The following NEK10 variants were observed in gnomAD, a reference collection of about 807,000 sequenced individuals.
NEK10 encodes the protein NIMA related kinase 10.
In NEK10, 122 loss-of-function variants were observed where a neutral mutation model predicts 159.8. That is an observed-to-expected ratio of 0.76 (90% CI 0.66 to 0.89). The LOEUF is 0.89. Ranked by LOEUF, NEK10 falls within the 40% of genes least tolerant of loss-of-function variation. NEK10 has a pLI of 0.00. For missense variants in NEK10, 1,342 were observed against 1,323.1 expected (o/e 1.01, Z -0.22); for synonymous variants, 466 against 457.1 (o/e 1.02, Z -0.25).
intron 22 of NEK10, among the ~76,000 whole-genome samples, chr3:27,257,556 C>T (rs1021069207): frequency 1.3e-5 from 2 of 152,060 alleles, no homozygotes; most frequent in African/African-American, 2.4e-5. Context: ...TAATAATACA[C>T]GTTTACTAAA....
intron 3 of NEK10, among the ~76,000 whole-genome samples, chr3:27,347,301 G>T (rs1405944190): frequency 6.6e-6 from 1 of 151,938 alleles, no homozygotes; most frequent in African/African-American, 2.4e-5. Context: ...GATCACCTGA[G>T]TTCGGGAGCC....
At chr3:27,164,337 C>G (rs1946287820) in intron 29 of NEK10, among the ~76,000 whole-genome samples, 1 of 152,174 alleles carries the variant, frequency 6.6e-6, no homozygotes, top group Admixed American at 6.5e-5. Flanking sequence ...TGCCATACCC[C>G]AGCAAATGCT....
intron 22 of NEK10, among the ~76,000 whole-genome samples, chr3:27,260,149 ATCATG>A (rs199558052): frequency 0.041 from 6,269 of 152,256 alleles, 183 homozygotes; most frequent in African/African-American, 0.075. Flanking sequence ...TAAATATACA[ATCATG>A]TCATCTGCAA....
intron 26 of NEK10, among the ~76,000 whole-genome samples, chr3:27,179,742 A>C (rs1020188244): frequency 1.3e-5 from 2 of 152,234 alleles, no homozygotes; most frequent in Admixed American, 6.5e-5. Flanking sequence ...ATTTAAAAGC[A>C]TTTCAAATGA....
chr3:27,181,991 A>G (rs946113659), intron 26 of NEK10, among the ~76,000 whole-genome samples: 1 of 152,188 alleles, frequency 6.6e-6, no homozygotes, highest in African/African-American at 2.4e-5. Flanking sequence ...CAGACCTAGA[A>G]CACCCAAATC....
rs528344146 is a variant in NEK10 at position 27,207,326 on chromosome 3, A to C, written c.2091-4769T>G. ...GAAATACTAGGGCACAGGTATGAGA[A>C]ATTGAAGAAGAAATTAAAACCTTAA... On this transcript the variant is annotated intron_variant, in intron 23 of 35. Coordinates refer to ENST00000691995, the MANE Select transcript of NEK10 (RefSeq NM_001394966.1). Among the ~76,000 whole-genome samples the C allele has an allele frequency of 3.9e-5, 6 of 152,310 alleles. No homozygotes were observed. The South Asian group carries it at 1.2e-3, about 32-fold the overall frequency.
intron 3 of NEK10, among the ~76,000 whole-genome samples, chr3:27,347,273 G>T (rs2047623549): frequency 6.6e-6 from 1 of 151,988 alleles, no homozygotes; most frequent in African/African-American, 2.4e-5. Context: ...CCAGCACTTT[G>T]GGAGGCCCAG....
intron 26 of NEK10, among the ~76,000 whole-genome samples, chr3:27,186,888 G>A (rs1460878079): frequency 2.0e-5 from 3 of 152,094 alleles, no homozygotes; most frequent in African/African-American, 7.2e-5. Flanking sequence ...GGAATCCAAA[G>A]CCCCCATGTG....
chr3:27,339,328 C>T (rs190155500), intron 5 of NEK10, among the ~76,000 whole-genome samples: 447 of 152,024 alleles, frequency 2.9e-3, no homozygotes, highest in Non-Finnish European at 5.3e-3. Context: ...CCAGAATCTA[C>T]AAGAAATTTA....
At chr3:27,319,762 A>G (rs2045482869) in intron 6 of NEK10, among the ~76,000 whole-genome samples, 1 of 152,212 alleles carries the variant, frequency 6.6e-6, no homozygotes, top group East Asian at 1.9e-4. Context: ...TAACCCAAAT[A>G]TTTCAAACAA....
chr3:27,197,387 G>A (rs1018687566), intron 25 of NEK10, among the ~76,000 whole-genome samples: 3 of 151,864 alleles, frequency 2.0e-5, no homozygotes, highest in African/African-American at 7.3e-5. Context: ...TGTTGGCCAG[G>A]CTGGTCTCAA....
chr3:27,241,844 T>G (rs559770902), intron 23 of NEK10, among the ~76,000 whole-genome samples: 10 of 152,312 alleles, frequency 6.6e-5, no homozygotes, highest in African/African-American at 2.4e-4. Flanking sequence ...CAGCTGGGAC[T>G]TAAGAAAATG....
At chr3:27,261,058 G>C (rs975043535) in intron 22 of NEK10, among the ~76,000 whole-genome samples, 3 of 151,778 alleles carry the variant, frequency 2.0e-5, no homozygotes, top group Non-Finnish European at 2.9e-5. Context: ...CTGTGGGATC[G>C]GTGGTGATAT....
chr3:27,289,846 A>G (rs1198146689), intron 19 of NEK10, among the ~76,000 whole-genome samples: 1 of 152,230 alleles, frequency 6.6e-6, no homozygotes, highest in Non-Finnish European at 1.5e-5. Flanking sequence ...TAATGTACAC[A>G]CTGGAGTAGA....
intron 5 of NEK10, among the ~76,000 whole-genome samples, chr3:27,325,507 A>C (rs898496580): frequency 1.3e-5 from 2 of 152,010 alleles, no homozygotes; most frequent in African/African-American, 2.4e-5. Context: ...CTCCTCTATG[A>C]TCCTGAGAAA....
intron 22 of NEK10, among the ~76,000 whole-genome samples, chr3:27,273,385 C>T (rs1442593788): frequency 1.3e-5 from 2 of 152,124 alleles, no homozygotes; most frequent in African/African-American, 4.8e-5. Context: ...TAAGAGATGA[C>T]CTCTAGAAGT....
chr3:27,203,289 G>T (rs1437244669), intron 23 of NEK10, among the ~76,000 whole-genome samples: 3 of 152,268 alleles, frequency 2.0e-5, no homozygotes, highest in Non-Finnish European at 2.9e-5. Context: ...AAAACTGACT[G>T]ATAGAGCCTT....
chr3:27,238,037 T>C (rs1201480096), intron 23 of NEK10, among the ~76,000 whole-genome samples: 3 of 152,188 alleles, frequency 2.0e-5, no homozygotes, highest in African/African-American at 7.2e-5. Context: ...CAGGGTTTTT[T>C]ATTTGGGGAT....
At chr3:27,238,317 TAGAA>T (rs1954170633) in intron 23 of NEK10, among the ~76,000 whole-genome samples, 1 of 152,198 alleles carries the variant, frequency 6.6e-6, no homozygotes, top group Admixed American at 6.5e-5. Flanking sequence ...TGTGTTCACA[TAGAA>T]AGGAATTTGG....
Sources: gnomAD v4.1 joint callset for allele counts (sites outside exome capture counted in the v4.1 genomes callset) on GRCh38, gnomAD v4.1.1 for gene constraint, MANE v1.5 for transcripts, NCBI Gene and HGNC (gene_info 2026-07-23, HGNC 2026-07-21) for gene names.